Variants in LUZP2 observed in about 807,000 individuals in gnomAD.
LUZP2 encodes leucine zipper protein 2.
In LUZP2, 52 loss-of-function variants were observed where a neutral mutation model predicts 51.6. That is an observed-to-expected ratio of 1.01 (90% CI 0.81 to 1.27). LUZP2 has a LOEUF of 1.27. Among genes scored for constraint, LUZP2 ranks in the 50% most tolerant of loss-of-function variants. LUZP2 has a pLI of 0.00. For missense variants in LUZP2, 436 were observed against 395.4 expected (o/e 1.10, Z -0.87); for synonymous variants, 154 against 137.3 (o/e 1.12, Z -0.85).
intron 9 of LUZP2, among the ~76,000 whole-genome samples, chr11:25,006,032 G>A (rs974542364): frequency 2.0e-5 from 3 of 152,154 alleles, no homozygotes; most frequent in African/African-American, 7.2e-5. Context: ...GAATAGGAAG[G>A]ATACAATTTC....
chr11:24,984,770 C>T (rs1856145078), intron 9 of LUZP2, among the ~76,000 whole-genome samples: 1 of 151,042 alleles, frequency 6.6e-6, no homozygotes, highest in Admixed American at 6.6e-5. Context: ...TTCATCATTA[C>T]CCTTTATAAA....
At chr11:24,963,206 G>A (rs755171603) in intron 7 of LUZP2, among the ~76,000 whole-genome samples, 1 of 152,194 alleles carries the variant, frequency 6.6e-6, no homozygotes, top group Admixed American at 6.5e-5. Flanking sequence ...CTGCTCAGGG[G>A]TCAGGGGTCA....
rs1477833265 is a variant in LUZP2 at position 24,831,646 on chromosome 11, T to A, written c.396+68338T>A. ...AATAGGAGTCAAACACAAACTTGAT[T>A]GCTATGAACGTTGTAGCATGCCATT... is the stretch of plus-strand genomic sequence containing the variant. On this transcript the variant is annotated intron_variant, in intron 5 of 11. Coordinates refer to ENST00000336930, the MANE Select transcript of LUZP2 (RefSeq NM_001009909.4). Among the ~76,000 whole-genome samples the A allele has an allele frequency of 2.0e-5, 3 of 152,306 alleles. No homozygotes were observed. The East Asian group carries it at 5.8e-4, about 29-fold the overall frequency.
chr11:24,636,566 T>C (rs374094054), intron 1 of LUZP2, among the ~76,000 whole-genome samples: 6 of 152,292 alleles, frequency 3.9e-5, no homozygotes, highest in African/African-American at 9.6e-5. Context: ...CTTCAAACAA[T>C]GACCACCACA....
At chr11:24,587,658 C>A (rs1229718542) in intron 1 of LUZP2, among the ~76,000 whole-genome samples, 13 of 152,080 alleles carry the variant, frequency 8.5e-5, no homozygotes, top group Admixed American at 8.5e-4. Flanking sequence ...CTTGTGATGA[C>A]TACATATTCA....
At chr11:24,621,609 T>A (rs1854497501) in intron 1 of LUZP2, among the ~76,000 whole-genome samples, 1 of 152,198 alleles carries the variant, frequency 6.6e-6, no homozygotes, top group Non-Finnish European at 1.5e-5. Flanking sequence ...TTCTTACTTG[T>A]GAAAGCTTTA....
At chr11:25,029,246 C>G (rs537716569) in intron 9 of LUZP2, among the ~76,000 whole-genome samples, 1 of 152,020 alleles carries the variant, frequency 6.6e-6, no homozygotes, top group Non-Finnish European at 1.5e-5. Context: ...GTTTGTTACT[C>G]GAAGGATAAA....
At chr11:24,963,621 G>A (rs1036845768) in intron 7 of LUZP2, among the ~76,000 whole-genome samples, 46 of 152,240 alleles carry the variant, frequency 3.0e-4, no homozygotes, top group Admixed American at 2.9e-3. Flanking sequence ...CGTCAGAAAG[G>A]CGCAGTATTC....
chr11:24,591,539 G>C (rs907657121), intron 1 of LUZP2, among the ~76,000 whole-genome samples: 1 of 152,202 alleles, frequency 6.6e-6, no homozygotes, highest in Non-Finnish European at 1.5e-5. Context: ...GAAAACTGCA[G>C]TAAGAATAGC....
intron 1 of LUZP2, among the ~76,000 whole-genome samples, chr11:24,517,149 C>T (rs532370184): frequency 6.6e-6 from 1 of 152,018 alleles, no homozygotes; most frequent in South Asian, 2.1e-4. Context: ...ATAAGATAAT[C>T]TTATGTCACC....
intron 1 of LUZP2, among the ~76,000 whole-genome samples, chr11:24,587,392 C>T (rs1015428211): frequency 9.9e-5 from 15 of 152,104 alleles, no homozygotes; most frequent in Non-Finnish European, 2.2e-4. Context: ...TAGGAACAAT[C>T]ACTCTTCCAA....
chr11:24,909,500 G>GAA (rs1269298466), intron 6 of LUZP2, among the ~76,000 whole-genome samples: 14 of 137,220 alleles, frequency 1.0e-4, no homozygotes, highest in African/African-American at 3.4e-4. Context: ...TATTTTGAGG[G>GAA]AAAAAAAAAA....
At chr11:24,925,632 G>A (rs984341897) in intron 7 of LUZP2, among the ~76,000 whole-genome samples, 3 of 151,940 alleles carry the variant, frequency 2.0e-5, no homozygotes, top group Non-Finnish European at 4.4e-5. Context: ...AATGACAAGT[G>A]AAATTCTAAT....
intron 1 of LUZP2, among the ~76,000 whole-genome samples, chr11:24,704,666 G>A (rs1371186547): frequency 1.3e-5 from 2 of 151,888 alleles, no homozygotes; most frequent in Non-Finnish European, 2.9e-5. Context: ...TACAACTGTT[G>A]TTACAGAACC....
At chr11:25,032,924 A>G (rs1300121933) in intron 9 of LUZP2, among the ~76,000 whole-genome samples, 2 of 152,190 alleles carry the variant, frequency 1.3e-5, no homozygotes, top group Admixed American at 6.5e-5. Context: ...AAGAATCAAG[A>G]CAGCTATTCA....
At chr11:24,979,701 C>T (rs1417275648) in intron 8 of LUZP2, among the ~76,000 whole-genome samples, 1 of 151,690 alleles carries the variant, frequency 6.6e-6, no homozygotes, top group African/African-American at 2.4e-5. Flanking sequence ...TATAGTTGGC[C>T]TCAGCTACTG....
chr11:24,831,392 A>G (rs1850702194), intron 5 of LUZP2, among the ~76,000 whole-genome samples: 1 of 152,198 alleles, frequency 6.6e-6, no homozygotes, highest in Admixed American at 6.5e-5. Flanking sequence ...CTTGAAAACG[A>G]TTAGGGTCTT....
rs558824570 is a variant in LUZP2, at chr11:24,539,364, T to C, written c.62+42059T>C. Among the ~76,000 whole-genome samples the C allele has an allele frequency of 3.3e-5, 5 of 152,010 alleles. No homozygotes were observed. In the East Asian group the frequency reaches 9.7e-4, roughly 29 times the overall value. ...GCTATCTGTTATAATTATGAATAACTCTCCACTTCACTCTCAAAATTATTT... is the reference window on the plus strand; with the variant it reads ...GCTATCTGTTATAATTATGAATAACCCTCCACTTCACTCTCAAAATTATTT... On this transcript the variant is annotated intron_variant, in intron 1 of 11. Transcript: ENST00000336930.
At chr11:25,009,189 A>G (rs79403528) in intron 9 of LUZP2, among the ~76,000 whole-genome samples, 102 of 152,320 alleles carry the variant, frequency 6.7e-4, no homozygotes, top group African/African-American at 2.4e-3. Context: ...GGACATTGCT[A>G]TGTTAAAGTA....
Sources: allele counts gnomAD v4.1 joint callset (sites outside exome capture counted in the v4.1 genomes callset), GRCh38; gene constraint gnomAD v4.1.1; transcripts MANE v1.5; gene names NCBI Gene and HGNC (gene_info 2026-07-23, HGNC 2026-07-21).